The following DMRT1 variants were observed in gnomAD, a reference collection of about 807,000 sequenced individuals.
The protein encoded by DMRT1 is doublesex- and mab-3-related transcription factor 1.
In DMRT1, 7 loss-of-function variants were observed where a neutral mutation model predicts 32.3. The observed-to-expected ratio is 0.22, with a 90% confidence interval of 0.12 to 0.41. The LOEUF is 0.41. Among genes scored for constraint, DMRT1 ranks in the 10% least tolerant of loss-of-function variants. DMRT1 has a pLI of 1.00. For missense variants in DMRT1, 625 were observed against 500.5 expected, an observed-to-expected ratio of 1.25 and a Z score of -2.37; for synonymous variants, 278 against 206.1, an observed-to-expected ratio of 1.35 and a Z score of -2.99.
At chr9:877,049 T>C (rs546546925) in intron 2 of DMRT1, among the ~76,000 whole-genome samples, 1 of 134,242 alleles carries the variant, frequency 7.4e-6, no homozygotes, top group African/African-American at 3.2e-5. Context: ...CTTGAACCTC[T>C]CTGGGTGTAG....
At chr9:889,009 A>G (rs191021787) in intron 2 of DMRT1, among the ~76,000 whole-genome samples, 11 of 151,846 alleles carry the variant, frequency 7.2e-5, no homozygotes, top group Non-Finnish European at 8.8e-5. Context: ...TAAAATTCAG[A>G]TTGCTGGGCG....
intron 4 of DMRT1, among the ~76,000 whole-genome samples, chr9:922,683 G>T (rs746660546): frequency 1.3e-5 from 2 of 152,132 alleles, no homozygotes; most frequent in African/African-American, 2.4e-5. Context: ...GTTAGAAATG[G>T]TGCCTTATTT....
chr9:876,295 G>C (rs73384499), intron 2 of DMRT1, among the ~76,000 whole-genome samples: 2,899 of 152,210 alleles, frequency 0.019, 94 homozygotes, highest in African/African-American at 0.065. Context: ...AGAGCCACAA[G>C]TCAGGGGCTT....
At chr9:857,022 G>A (rs1156695385) in intron 2 of DMRT1, among the ~76,000 whole-genome samples, 1 of 152,168 alleles carries the variant, frequency 6.6e-6, no homozygotes, top group Non-Finnish European at 1.5e-5. Flanking sequence ...ATAGATACAT[G>A]TTAATATTCA....
At chr9:885,772 C>T (rs897616593) in intron 2 of DMRT1, among the ~76,000 whole-genome samples, 22 of 152,152 alleles carry the variant, frequency 1.4e-4, no homozygotes, top group African/African-American at 4.8e-4. Context: ...GTGGAGCCTT[C>T]GCAAGGGACC....
At chr9:872,243 A>G (rs1266843597) in intron 2 of DMRT1, among the ~76,000 whole-genome samples, 1 of 151,644 alleles carries the variant, frequency 6.6e-6, no homozygotes, top group African/African-American at 2.4e-5. Context: ...TTGTATTTTT[A>G]GTAGAGATAG....
At position 902,328 on chromosome 9, in the gene DMRT1, C is replaced by T. The variant is rs942060166; in HGVS notation, c.822+8133C>T. On this transcript the variant is annotated intron_variant, in intron 3 of 4. Coordinates refer to ENST00000382276, the MANE Select transcript of DMRT1 (RefSeq NM_021951.3). ...TTGTCTCTCGCCTCCTTCCTACACC[C>T]CCTCCTCCTCCACCTTTCTTTTTTA... Among the ~76,000 whole-genome samples the T allele has an allele frequency of 3.3e-5, 5 of 151,506 alleles. No individual in the cohort carries two copies. The South Asian group carries it at 8.5e-4, about 26-fold the overall frequency.
At position 842,124 on chromosome 9, in the gene DMRT1, A is replaced by C; in HGVS notation, c.286A>C (p.Met96Leu). 1 of 1,548,014 alleles carries C rather than the reference A, an allele frequency of 6.5e-7. No individual in the cohort carries two copies. Among genetic ancestry groups the C allele is most frequent in the Non-Finnish European group, 8.7e-7 (1 of 1,151,152 alleles). The change falls in exon 1 of 5, where the codon ATG becomes CTG. Residue 96 changes from methionine to leucine, a missense_variant. Around this residue, in one of 3 missense-constraint regions of DMRT1, gnomAD observed 201 missense variants for 152.0 expected, o/e 1.32. Coordinates refer to ENST00000382276, the MANE Select transcript of DMRT1 (RefSeq NM_021951.3). ...GCTCAAGGGCCACAAGCGCTTCTGCATGTGGCGCGACTGCCAGTGCAAGAA... is the reference window on the plus strand; with the variant it reads ...GCTCAAGGGCCACAAGCGCTTCTGCCTGTGGCGCGACTGCCAGTGCAAGAA... ...SPLKGHKRFC[M>L]WRDCQCKKCN...
intron 4 of DMRT1, among the ~76,000 whole-genome samples, chr9:960,596 T>C (rs953956652): frequency 6.6e-6 from 1 of 152,240 alleles, no homozygotes; most frequent in Non-Finnish European, 1.5e-5. Context: ...AGGGTGTTTA[T>C]TGAGGTGCCA....
chr9:865,887 C>T (rs759225062), intron 2 of DMRT1, among the ~76,000 whole-genome samples: 10 of 152,018 alleles, frequency 6.6e-5, no homozygotes, highest in Non-Finnish European at 1.0e-4. Context: ...GTGAGGGCAG[C>T]GCACGGTGGC....
rs73639449 is a variant in DMRT1 at position 865,749 on chromosome 9, A to T, written c.538+18606A>T. On this transcript the variant is annotated intron_variant, in intron 2 of 4. Coordinates refer to ENST00000382276, the MANE Select transcript of DMRT1 (RefSeq NM_021951.3). ...ACACATCTTAATGCTCAAACATGGTAGATGTATTAAACCGTCCCATTAGAA... is the reference window on the plus strand; with the variant it reads ...ACACATCTTAATGCTCAAACATGGTTGATGTATTAAACCGTCCCATTAGAA... Among the ~76,000 whole-genome samples the T allele has an allele frequency of 1.2e-3, 184 of 152,348 alleles. 1 individual carries two copies. The highest frequency in any genetic ancestry group is 4.1e-3 in the African/African-American group (170 of 41,580).
chr9:901,738 C>T (rs976125383), intron 3 of DMRT1, among the ~76,000 whole-genome samples: 7 of 151,860 alleles, frequency 4.6e-5, no homozygotes, highest in Non-Finnish European at 1.0e-4. Flanking sequence ...CTGGAAACTC[C>T]TGGGAAGTTC....
At chr9:959,403 T>C (rs1819698661) in intron 4 of DMRT1, among the ~76,000 whole-genome samples, 2 of 152,222 alleles carry the variant, frequency 1.3e-5, no homozygotes. Context: ...TTGATGCTGC[T>C]TTTCCCTTTG....
intron 4 of DMRT1, among the ~76,000 whole-genome samples, chr9:926,711 G>C (rs1818537521): frequency 6.6e-6 from 1 of 151,868 alleles, no homozygotes; most frequent in South Asian, 2.1e-4. Flanking sequence ...GAGAGAGAGA[G>C]AGAGAGAAGC....
intron 2 of DMRT1, among the ~76,000 whole-genome samples, chr9:850,713 G>A (rs1589446730): frequency 6.8e-6 from 1 of 147,508 alleles, no homozygotes; most frequent in East Asian, 2.0e-4. Context: ...AGAATTTTTA[G>A]TGACCTAGAA....
rs565407803 is a variant in DMRT1, at chr9:968,933, A to C, written c.*794A>C. ...GATTTGGAAATAAGTACATCTTTAA[A>C]AGTTGCTACAGATTTGAGTTCATGA... is the stretch of plus-strand genomic sequence containing the variant. On this transcript the variant is annotated 3_prime_UTR_variant, in exon 5 of 5. Coordinates refer to ENST00000382276, the MANE Select transcript of DMRT1 (RefSeq NM_021951.3). The C allele has an allele frequency of 6.5e-6, 1 of 152,756 alleles. No individual in the cohort carries two copies. The highest frequency in any genetic ancestry group is 2.4e-5 in the African/African-American group (1 of 41,568). The allele number at this position is 152,756 out of a possible 1,614,324, so 9.5% of individuals were successfully genotyped here. A position where few individuals can be genotyped will look rare whatever the true frequency, so the allele number is the denominator to read the frequency against.
intron 4 of DMRT1, among the ~76,000 whole-genome samples, chr9:958,245 C>G (rs1819661612): frequency 6.6e-6 from 1 of 152,124 alleles, no homozygotes; most frequent in South Asian, 2.1e-4. Context: ...CTCTACCGTG[C>G]TACTAGCATA....
intron 2 of DMRT1, among the ~76,000 whole-genome samples, chr9:871,009 T>C (rs1383096290): frequency 6.6e-6 from 1 of 151,836 alleles, no homozygotes; most frequent in African/African-American, 2.4e-5. Flanking sequence ...TGCCCATACA[T>C]TCAAGCCTTT....
chr9:898,534 C>A (rs1344716616), intron 3 of DMRT1, among the ~76,000 whole-genome samples: 1 of 152,192 alleles, frequency 6.6e-6, no homozygotes, highest in African/African-American at 2.4e-5. Context: ...CAATGCCTTG[C>A]CCCTCTTGGT....
Sources: allele counts gnomAD v4.1 joint callset (sites outside exome capture counted in the v4.1 genomes callset), GRCh38; gene constraint gnomAD v4.1.1; regional missense constraint gnomAD v4.1.1; transcripts MANE v1.5; gene names NCBI Gene and HGNC (gene_info 2026-07-23, HGNC 2026-07-21).